Variants in LRBA observed in about 807,000 individuals in gnomAD.
LRBA encodes lipopolysaccharide-responsive and beige-like anchor protein.
Under a neutral mutation model 330.0 loss-of-function variants are expected in LRBA, and 176 were observed. That is an observed-to-expected ratio of 0.53 (90% CI 0.47 to 0.60). The LOEUF (loss-of-function observed/expected upper bound fraction) is 0.60, where lower values mean the gene tolerates loss of function less well. Among genes scored for constraint, LRBA ranks in the 20% least tolerant of loss-of-function variants. The pLI is 0.00. For synonymous variants in LRBA, 1,230 were observed against 1,193.0 expected (o/e 1.03, Z -0.64); for missense variants, 3,259 against 3,444.8 (o/e 0.95, Z 1.35).
At position 150,750,913 on chromosome 4, in the gene LRBA, T is replaced by TA. The variant is rs34872494; in HGVS notation, c.5645+10869dup. ...CAGGGAAGGAAAAAGGAAAAATCTTTAAAAAAAAAAAAAAAGGACTAAAAA... is the reference window on the plus strand; with the variant it reads ...CAGGGAAGGAAAAAGGAAAAATCTTTAAAAAAAAAAAAAAAAGGACTAAAAA... On this transcript the variant is annotated intron_variant, in intron 35 of 56. Coordinates refer to ENST00000651943, the MANE Select transcript of LRBA (RefSeq NM_001364905.1). Among the ~76,000 whole-genome samples, 1,364 of 137,560 alleles carry TA rather than the reference T, an allele frequency of 9.9e-3. 13 individuals are homozygous for TA. Among genetic ancestry groups the TA allele is most frequent in the East Asian group, 0.014 (66 of 4,876 alleles). 90.2% of individuals were successfully genotyped at this position (137,560 alleles called of 152,430 possible). A position where few individuals can be genotyped will look rare whatever the true frequency, so the allele number is the denominator to read the frequency against.
chr4:150,721,909 G>T (rs780981478), intron 36 of LRBA, among the ~76,000 whole-genome samples: 2 of 152,158 alleles, frequency 1.3e-5, no homozygotes, highest in African/African-American at 4.8e-5. Context: ...GAGCCACCAC[G>T]ACCAGCCAGA....
intron 22 of LRBA, among the ~76,000 whole-genome samples, chr4:150,864,703 G>A (rs1488871869): frequency 2.1e-5 from 3 of 142,342 alleles, no homozygotes; most frequent in Non-Finnish European, 3.0e-5. Context: ...CTGGAGTATA[G>A]TGGTATGATC....
intron 22 of LRBA, among the ~76,000 whole-genome samples, chr4:150,853,598 C>T (rs1750879510): frequency 6.6e-6 from 1 of 152,228 alleles, no homozygotes; most frequent in East Asian, 1.9e-4. Context: ...ATCTGAGTGA[C>T]TACAATATAT....
intron 28 of LRBA, among the ~76,000 whole-genome samples, chr4:150,836,891 T>G (rs1409960562): frequency 6.6e-6 from 1 of 152,228 alleles, no homozygotes; most frequent in Admixed American, 6.5e-5. Flanking sequence ...GATGTTAGGG[T>G]GTCAATTTTA....
intron 37 of LRBA, among the ~76,000 whole-genome samples, chr4:150,667,589 A>G (rs567853082): frequency 6.6e-6 from 1 of 152,244 alleles, no homozygotes; most frequent in South Asian, 2.1e-4. Flanking sequence ...TTAACCCCCA[A>G]TGTGACAATA....
At chr4:150,483,159 T>A (rs1210805766) in intron 42 of LRBA, among the ~76,000 whole-genome samples, 1 of 152,100 alleles carries the variant, frequency 6.6e-6, no homozygotes, top group East Asian at 1.9e-4. Context: ...ACATTTTGAG[T>A]TAATTTATAT....
intron 47 of LRBA, among the ~76,000 whole-genome samples, chr4:150,398,945 T>C (rs986197821): frequency 6.6e-6 from 1 of 152,138 alleles, no homozygotes; most frequent in South Asian, 2.1e-4. Context: ...ATATTGTTTT[T>C]GAAAATTCCA....
intron 47 of LRBA, among the ~76,000 whole-genome samples, chr4:150,391,594 A>C (rs1743942073): frequency 6.6e-6 from 1 of 152,144 alleles, no homozygotes; most frequent in African/African-American, 2.4e-5. Context: ...GCCAGACACT[A>C]TGTCATATAC....
chr4:150,970,399 T>C (rs997969411), intron 2 of LRBA, among the ~76,000 whole-genome samples: 2 of 148,494 alleles, frequency 1.3e-5, no homozygotes, highest in Admixed American at 6.7e-5. Flanking sequence ...ACTTGGGAGG[T>C]TGAGGTGGGA....
In LRBA at chr4:150,788,059, A is replaced by C. The variant is rs562212629; in HGVS notation, c.5580+10022T>G. On this transcript the variant is annotated intron_variant, in intron 34 of 56. Coordinates refer to ENST00000651943, the MANE Select transcript of LRBA (RefSeq NM_001364905.1). ...TGTACTAATTTAGATTCCCACCAACAGTGTCTGATTAAATCTTTTTGTTGT... is the reference window on the plus strand; with the variant it reads ...TGTACTAATTTAGATTCCCACCAACCGTGTCTGATTAAATCTTTTTGTTGT... Among the ~76,000 whole-genome samples, 199 of 152,030 alleles carry C rather than the reference A, an allele frequency of 1.3e-3. 1 individual carries two copies. The highest frequency in any genetic ancestry group is 2.5e-3 in the Non-Finnish European group (167 of 68,010).
At chr4:150,900,570 T>G (rs985381316) in intron 13 of LRBA, among the ~76,000 whole-genome samples, 1 of 152,182 alleles carries the variant, frequency 6.6e-6, no homozygotes, top group African/African-American at 2.4e-5. Context: ...ATGCTATCTA[T>G]GCATAGTTGT....
intron 40 of LRBA, among the ~76,000 whole-genome samples, chr4:150,503,403 G>A (rs1482787860): frequency 1.3e-5 from 2 of 152,118 alleles, no homozygotes; most frequent in Admixed American, 6.5e-5. Context: ...ACCAATATCC[G>A]CTGTTCTGCA....
At chr4:150,347,146 CTATGAGG>C (rs1201316274) in intron 48 of LRBA, among the ~76,000 whole-genome samples, 8 of 152,186 alleles carry the variant, frequency 5.3e-5, no homozygotes, top group Non-Finnish European at 2.9e-5. Flanking sequence ...CATTCCACTT[CTATGAGG>C]TATTCAGGGT....
chr4:150,588,152 C>T lies in LRBA; in HGVS notation c.6226G>A (p.Val2076Met), dbSNP rs151337867. 196 of 1,611,022 alleles carry T rather than the reference C, an allele frequency of 1.2e-4. No homozygotes were observed. Among genetic ancestry groups the T allele is most frequent in the Non-Finnish European group, 1.6e-4 (193 of 1,178,658 alleles). Residue 2076 changes from valine (V) to methionine (M), a missense_variant, in exon 40 of 57, where the codon GTG becomes ATG. Transcript: ENST00000651943. The stretch of plus-strand genomic sequence containing the variant: ...CCCTTTACTACAACAGAGGGGGCCA[C>T]AAGCTGAGCTGGTGTGCTCAGGCTA... ...PVSLSTPAQL[V>M]APSVVVKGTL...
intron 5 of LRBA, among the ~76,000 whole-genome samples, chr4:150,917,793 G>A (rs1732803923): frequency 6.6e-6 from 1 of 152,034 alleles, no homozygotes; most frequent in Non-Finnish European, 1.5e-5. Flanking sequence ...GCCATGCGTG[G>A]TGGTGGGTGC....
chr4:150,654,697 C>G (rs897949926), intron 37 of LRBA, among the ~76,000 whole-genome samples: 4 of 152,180 alleles, frequency 2.6e-5, no homozygotes, highest in Non-Finnish European at 4.4e-5. Context: ...TACCCCCTCC[C>G]CCTACCCAAC....
intron 47 of LRBA, among the ~76,000 whole-genome samples, chr4:150,389,945 G>A (rs183286461): frequency 7.2e-6 from 1 of 139,328 alleles, no homozygotes; most frequent in East Asian, 2.1e-4. Flanking sequence ...GCCAGTGGAT[G>A]AGAAGGAACG....
At chr4:150,536,909 A>C (rs925234691) in intron 40 of LRBA, among the ~76,000 whole-genome samples, 12 of 152,214 alleles carry the variant, frequency 7.9e-5, no homozygotes, top group African/African-American at 2.9e-4. Flanking sequence ...ATACTACCCA[A>C]AGCAATTTAC....
At chr4:150,905,796 G>A (rs1468941191) in intron 13 of LRBA, 42 bp downstream of exon 13, 1 of 1,509,986 alleles carries the variant, frequency 6.6e-7, no homozygotes, top group South Asian at 1.3e-5. Flanking sequence ...CACAAAAACA[G>A]CAAAGATAGT....
Sources: gnomAD v4.1 joint callset for allele counts (sites outside exome capture counted in the v4.1 genomes callset) on GRCh38, gnomAD v4.1.1 for gene constraint, MANE v1.5 for transcripts, NCBI Gene and HGNC (gene_info 2026-07-23, HGNC 2026-07-21) for gene names.